MRPL37: variants seen among roughly 807,000 people sequenced by gnomAD.
The protein encoded by MRPL37 is mitochondrial ribosomal protein L37, also known as large ribosomal subunit protein mL37.
Under a neutral mutation model 44.1 loss-of-function variants are expected in MRPL37, and 34 were observed. The ratio of observed to expected loss-of-function variants is 0.77; its 90% confidence interval spans 0.59 to 1.03. The LOEUF (loss-of-function observed/expected upper bound fraction) is 1.03, where lower values mean the gene tolerates loss of function less well. Ranked by LOEUF, MRPL37 falls within the 50% of genes least tolerant of loss-of-function variation. The probability of loss-of-function intolerance (pLI) is 0.00; values close to 1 mark genes in which losing one functional copy is unlikely to be tolerated. For synonymous variants in MRPL37, 212 were observed against 219.5 expected, an observed-to-expected ratio of 0.97 and a Z score of 0.30; for missense variants, 532 against 543.7, an observed-to-expected ratio of 0.98 and a Z score of 0.21.
chr1:54,221,744 T>C (rs1165401361), downstream of MRPL37, among the ~76,000 whole-genome samples: 1 of 152,084 alleles, frequency 6.6e-6, no homozygotes, highest in African/African-American at 2.4e-5. Context: ...GATCTCCTCC[T>C]CCCCAGCTAG....
At chr1:54,224,850 G>C (rs762382772), downstream of MRPL37, among the ~76,000 whole-genome samples, 15 of 152,130 alleles carry the variant, frequency 9.9e-5, no homozygotes, top group Non-Finnish European at 2.1e-4. Context: ...TCATCTCCCA[G>C]GAGACCACCA....
rs140065383 is a variant in MRPL37, at chr1:54,210,041, A to G, written c.742A>G (p.Thr248Ala). 2 of 1,614,058 alleles carry G rather than the reference A, an allele frequency of 1.2e-6. No homozygotes were observed. The highest frequency in any genetic ancestry group is 1.3e-5 in the African/African-American group (1 of 74,936). ...TIASREEIEA[T>A]KNHVLETFYP... ...CGCCTCCAGAGAGGAGATTGAAGCTACTAAGAATCATGTTCTAGAGACCTT... is the reference window on the plus strand; with the variant it reads ...CGCCTCCAGAGAGGAGATTGAAGCTGCTAAGAATCATGTTCTAGAGACCTT... The change falls in exon 4 of 7, where the codon ACT becomes GCT. Residue 248 changes from threonine to alanine, a missense_variant. Physicochemically the swap from Thr to Ala is moderately conservative, Grantham distance 58. Coordinates refer to ENST00000360840, the MANE Select transcript of MRPL37 (RefSeq NM_016491.4).
In MRPL37 at chr1:54,216,184, T is replaced by C. The variant is rs147853646; in HGVS notation, c.1034T>C (p.Val345Ala). ...VLEQPVVVQS[V>A]GTDGRVFHFL... Reference sequence around the variant, plus strand: ...GAGCAGCCCGTGGTGGTGCAGAGCGTGGGCACGGATGGACGTGTCTTCCAT... The same window carrying C: ...GAGCAGCCCGTGGTGGTGCAGAGCGCGGGCACGGATGGACGTGTCTTCCAT... The change falls in exon 6 of 7, where the codon GTG becomes GCG. Residue 345 changes from valine (V) to alanine (A), a missense_variant. Transcript: ENST00000360840. The C allele has an allele frequency of 3.2e-5, 51 of 1,614,106 alleles. No individual in the cohort carries two copies. Among genetic ancestry groups the C allele is most frequent in the Non-Finnish European group, 4.2e-5 (50 of 1,180,042 alleles).
chr1:54,223,664 C>T (rs1446203004), downstream of MRPL37, among the ~76,000 whole-genome samples: 6 of 152,146 alleles, frequency 3.9e-5, no homozygotes, highest in African/African-American at 9.7e-5. Flanking sequence ...CCAGGCCGGC[C>T]GACCCCTAGA....
intron 1 of MRPL37, 35 bp downstream of exon 1, chr1:54,200,624 TC>T (rs745381340): frequency 8.3e-6 from 13 of 1,560,320 alleles, no homozygotes; most frequent in Non-Finnish European, 1.0e-5. Flanking sequence ...GGGACCGTGT[TC>T]CTCTAACCAG....
intron 3 of MRPL37, among the ~76,000 whole-genome samples, chr1:54,208,868 G>A (rs1233067829): frequency 1.3e-5 from 2 of 152,066 alleles, no homozygotes; most frequent in Non-Finnish European, 2.9e-5. Context: ...GGGATGGGGA[G>A]GGAGTTAAAA....
At chr1:54,220,702 T>C (rs1361815501), downstream of MRPL37, 2 of 471,296 alleles carry the variant, frequency 4.2e-6, no homozygotes, top group African/African-American at 2.0e-5. Context: ...CAGCGGAACT[T>C]GAGGGCCTCA....
At chr1:54,209,240 T>G (rs974927582) in intron 3 of MRPL37, among the ~76,000 whole-genome samples, 1 of 152,054 alleles carries the variant, frequency 6.6e-6, no homozygotes, top group African/African-American at 2.4e-5. Context: ...CAGGCTTCGC[T>G]CCCCAGAGAC....
At chr1:54,209,858 A>G (rs1025716693) in intron 3 of MRPL37, 88 bp from the exon 4 acceptor site, 10 of 1,394,444 alleles carry the variant, frequency 7.2e-6, no homozygotes, top group Non-Finnish European at 8.8e-6. Flanking sequence ...TGGCCTCCCA[A>G]AGTGCTGGGA....
intron 1 of MRPL37, among the ~76,000 whole-genome samples, chr1:54,204,358 G>C (rs1053125754): frequency 6.6e-6 from 1 of 151,466 alleles, no homozygotes; most frequent in Non-Finnish European, 1.5e-5. Context: ...TCATCATGTC[G>C]CCCAGTCAGC....
chr1:54,209,957 C>A lies in MRPL37; in HGVS notation c.658C>A (p.Leu220Ile). The part of the protein sequence containing the change: ...SATWNRESLL[L>I]QVRGSGGARL... ...TTTCTCCCTTTTAGAGTCTCTTCTC[C>A]TTCAAGTCCGTGGTTCTGGTGGAGC... is the stretch of plus-strand genomic sequence containing the variant. Residue 220 changes from leucine to isoleucine, a missense_variant, in exon 4 of 7, where the codon CTT (leucine) becomes ATT (isoleucine). Physicochemically the swap from Leu to Ile is conservative, Grantham distance 5. Coordinates refer to ENST00000360840, the MANE Select transcript of MRPL37 (RefSeq NM_016491.4). 1 of 1,614,108 alleles carries A rather than the reference C, an allele frequency of 6.2e-7. No homozygotes were observed. Among genetic ancestry groups the A allele is most frequent in the South Asian group, 1.1e-5 (1 of 91,066 alleles).
At chr1:54,221,866 G>GTGT (rs60745581), downstream of MRPL37, among the ~76,000 whole-genome samples, 26,114 of 152,156 alleles carry the variant, frequency 0.17, 2,406 homozygotes, top group African/African-American at 0.23. Flanking sequence ...TGTGTACCAG[G>GTGT]TGTTGTGCTG....
chr1:54,225,109 C>T (rs1032103561), downstream of MRPL37: 1 of 1,234,210 alleles, frequency 8.1e-7, no homozygotes, highest in African/African-American at 1.6e-5. Flanking sequence ...CAGGAGGAAC[C>T]TTTTTCTACT....
At chr1:54,215,968 C>T (rs1022767069) in intron 5 of MRPL37, among the ~76,000 whole-genome samples, 173 bp from the exon 6 acceptor site, 4 of 152,120 alleles carry the variant, frequency 2.6e-5, no homozygotes, top group East Asian at 1.9e-4. Flanking sequence ...AAGGAAGGCC[C>T]GGCCCTGGAC....
chr1:54,213,409 AGAG>A (rs1322975214), intron 5 of MRPL37, among the ~76,000 whole-genome samples: 1 of 152,150 alleles, frequency 6.6e-6, no homozygotes, highest in Non-Finnish European at 1.5e-5. Context: ...AGTCTTTTCT[AGAG>A]GAGGAATGAG....
At chr1:54,206,128 T>C (rs899150952) in intron 3 of MRPL37, among the ~76,000 whole-genome samples, 2 of 152,174 alleles carry the variant, frequency 1.3e-5, no homozygotes, top group African/African-American at 4.8e-5. Flanking sequence ...TATTTATTTT[T>C]TTGAGACGGA....
chr1:54,207,910 C>G (rs774702476), intron 3 of MRPL37, among the ~76,000 whole-genome samples: 2 of 152,160 alleles, frequency 1.3e-5, no homozygotes, highest in Non-Finnish European at 2.9e-5. Context: ...TGATCCATTA[C>G]CATCACACTG....
In MRPL37 at chr1:54,200,686, G is replaced by T. The variant is rs991343651; in HGVS notation, c.346+97G>T. ...TGGGCAAGACATTGAAACTCTGTGG[G>T]TCTTGGTTTCTTCGTCTGCGAAATG... On this transcript the variant is annotated intron_variant, in intron 1 of 6. Coordinates refer to ENST00000360840, the MANE Select transcript of MRPL37 (RefSeq NM_016491.4). 7 of 1,352,516 alleles carry T rather than the reference G, an allele frequency of 5.2e-6. No homozygotes were observed. The African/African-American group carries it at 5.9e-5, about 11-fold the overall frequency. 83.8% of individuals were successfully genotyped at this position (1,352,516 alleles called of 1,614,324 possible).
chr1:54,211,655 G>A (rs1644166156), intron 4 of MRPL37, among the ~76,000 whole-genome samples: 1 of 152,028 alleles, frequency 6.6e-6, no homozygotes, highest in Non-Finnish European at 1.5e-5. Context: ...ACCACACCTG[G>A]CTAATTTTTG....
Sources: allele counts gnomAD v4.1 joint callset (sites outside exome capture counted in the v4.1 genomes callset), GRCh38; gene constraint gnomAD v4.1.1; transcripts MANE v1.5; gene names NCBI Gene and HGNC (gene_info 2026-07-23, HGNC 2026-07-21).